Variants in ACOT11 observed in about 807,000 individuals in gnomAD.
The protein encoded by ACOT11 is acyl-coenzyme A thioesterase 11.
Under a neutral mutation model 77.5 loss-of-function variants are expected in ACOT11, and 69 were observed. The observed-to-expected ratio is 0.89, with a 90% CI of 0.73 to 1.09. The LOEUF is 1.09. Ranked by LOEUF, ACOT11 falls within the 50% of genes least tolerant of loss-of-function variation. The pLI, the probability that ACOT11 is intolerant of heterozygous loss-of-function variation, is 0.00. For missense variants in ACOT11, 766 were observed against 813.7 expected, an observed-to-expected ratio of 0.94 and a Z score of 0.71; for synonymous variants, 279 against 313.0, an observed-to-expected ratio of 0.89 and a Z score of 1.15.
chr1:54,604,464 A>T (rs1227243351), intron 12 of ACOT11, 35 bp downstream of exon 12: 1 of 1,600,026 alleles, frequency 6.2e-7, no homozygotes, highest in Admixed American at 1.7e-5. Flanking sequence ...TTCCTTTCTC[A>T]TCTGAGCCAG....
chr1:54,597,651 C>T (rs1643905164), intron 7 of ACOT11: 1 of 568,774 alleles, frequency 1.8e-6, no homozygotes. Flanking sequence ...TAGATCCTCC[C>T]CTTGATCTGG....
At chr1:54,589,987 C>T (rs1438477594) in intron 3 of ACOT11, among the ~76,000 whole-genome samples, 1 of 151,764 alleles carries the variant, frequency 6.6e-6, no homozygotes, top group African/African-American at 2.4e-5. Context: ...ACTCCGGAGG[C>T]TAAGGCAGGA....
intron 3 of ACOT11, 73 bp downstream of exon 3, chr1:54,585,977 C>T: frequency 6.6e-7 from 1 of 1,507,334 alleles, no homozygotes; most frequent in Non-Finnish European, 9.2e-7. Flanking sequence ...TCCTGACTCC[C>T]TGCCTGGTCA....
At chr1:54,610,551 A>G, downstream of ACOT11, 4 of 1,611,336 alleles carry the variant, frequency 2.5e-6, no homozygotes, top group Non-Finnish European at 3.4e-6. Context: ...TCCGTGTGGC[A>G]TTCACTGTGG....
intron 6 of ACOT11, among the ~76,000 whole-genome samples, chr1:54,596,494 A>G (rs1220688453): frequency 6.6e-6 from 1 of 152,232 alleles, no homozygotes; most frequent in Non-Finnish European, 1.5e-5. Context: ...TGTTGCTGCC[A>G]AGGATAAGGG....
chr1:54,582,942 G>A (rs12137787), intron 1 of ACOT11, among the ~76,000 whole-genome samples: 22,928 of 152,040 alleles, frequency 0.15, 3,161 homozygotes, highest in African/African-American at 0.37. Context: ...GCTATGGGAG[G>A]GGTTTGGGAA....
intron 15 of ACOT11, 25 bp from the exon 16 acceptor site, chr1:54,608,932 C>T (rs1644072452): frequency 3.1e-6 from 5 of 1,612,390 alleles, no homozygotes; most frequent in Non-Finnish European, 4.2e-6. Flanking sequence ...CTTGGTCCCC[C>T]TGAGCTTGGC....
At chr1:54,615,299 T>C (rs920389942), downstream of ACOT11, among the ~76,000 whole-genome samples, 1 of 152,026 alleles carries the variant, frequency 6.6e-6, no homozygotes, top group Non-Finnish European at 1.5e-5. Context: ...GACTTGGTAC[T>C]TTTCAGGGTG....
downstream of ACOT11, chr1:54,610,788 T>C (rs1329374752): frequency 1.0e-6 from 1 of 984,550 alleles, no homozygotes; most frequent in East Asian, 1.1e-4. Flanking sequence ...CAGGTCTGCC[T>C]GGCTCCAGAG....
intron 11 of ACOT11, among the ~76,000 whole-genome samples, 178 bp from the exon 12 acceptor site, chr1:54,604,162 GCCAAGC>G (rs1162197496): frequency 1.3e-5 from 2 of 152,116 alleles, no homozygotes; most frequent in African/African-American, 4.8e-5. Flanking sequence ...AGTGGGTCTA[GCCAAGC>G]CCAAGCCTGG....
chr1:54,609,233 G>T lies in ACOT11; in HGVS notation c.*121G>T. 1.3e-6 allele frequency: 2 copies of T among 1,592,492 alleles called. No individual in the cohort carries two copies. Among genetic ancestry groups the T allele is most frequent in the Non-Finnish European group, 1.7e-6 (2 of 1,167,780 alleles). On this transcript the variant is annotated 3_prime_UTR_variant, in exon 16 of 16. Transcript: ENST00000343744. ...TCCTGCCTCCCCGTGGGAAGCCTCC[G>T]CCCTGAGGTCCGCTGGCCCACCACC...
In ACOT11 at chr1:54,571,211, A is replaced by G. The variant is rs41503150; in HGVS notation, c.34-13444A>G. Among the ~76,000 whole-genome samples, 1,314 of 152,248 alleles carry G rather than the reference A, an allele frequency of 8.6e-3. 19 individuals are homozygous for G. The highest frequency in any genetic ancestry group is 0.03 in the African/African-American group (1,232 of 41,550). ...TAAAATGGCTTCGGGTTATCTAGCCAGACAGTCTGAAGCCCTTGGGCCTTG... is the reference window on the plus strand; with the variant it reads ...TAAAATGGCTTCGGGTTATCTAGCCGGACAGTCTGAAGCCCTTGGGCCTTG... On this transcript the variant is annotated intron_variant, in intron 1 of 15. Transcript: ENST00000343744.
chr1:54,608,670 C>T (rs933569146), intron 15 of ACOT11, among the ~76,000 whole-genome samples: 34 of 152,220 alleles, frequency 2.2e-4, no homozygotes, highest in African/African-American at 7.7e-4. Flanking sequence ...CAGCCCCTGC[C>T]CTCCAGGGCC....
At position 54,594,698 on chromosome 1, in the gene ACOT11, A is replaced by T; in HGVS notation, c.607+7A>T. On this transcript the variant is annotated splice_region_variant and intron_variant, in intron 6 of 15. Transcript: ENST00000343744. Reference sequence around the variant, plus strand: ...AACTGCGCCATTCAGGGCGGTGAGCAGCTGCCAGCTGTGCATGGGGAGGGT... The same window carrying T: ...AACTGCGCCATTCAGGGCGGTGAGCTGCTGCCAGCTGTGCATGGGGAGGGT... 6.2e-7 allele frequency: 1 copy of T among 1,605,756 alleles called. No individual in the cohort carries two copies. The highest frequency in any genetic ancestry group is 8.5e-7 in the Non-Finnish European group (1 of 1,174,230).
intron 15 of ACOT11, chr1:54,623,597 C>A (rs1240407950): frequency 5.4e-6 from 3 of 553,466 alleles, no homozygotes; most frequent in Admixed American, 6.6e-5. Flanking sequence ...ATCCTCTTCC[C>A]CACACCCTCC....
chr1:54,563,074 G>A (rs1314423586), intron 1 of ACOT11, among the ~76,000 whole-genome samples: 2 of 151,454 alleles, frequency 1.3e-5, no homozygotes, highest in East Asian at 3.9e-4. Context: ...CTTGCCCTCG[G>A]GCCCTGCGGG....
intron 3 of ACOT11, among the ~76,000 whole-genome samples, chr1:54,587,550 CTTTTT>C (rs33913350): frequency 1.2e-4 from 9 of 73,542 alleles, no homozygotes; most frequent in Non-Finnish European, 1.9e-4. Flanking sequence ...GTTTGTAATC[CTTTTT>C]TTTTTTTTTT....
downstream of ACOT11, chr1:54,612,576 C>G (rs1644130510): frequency 1.2e-6 from 2 of 1,614,060 alleles, no homozygotes; most frequent in Non-Finnish European, 1.7e-6. Flanking sequence ...CTGGGGCACT[C>G]CTCCCACCAG....
intron 1 of ACOT11, among the ~76,000 whole-genome samples, chr1:54,553,220 AT>A (rs550306385): frequency 1.3e-5 from 2 of 151,048 alleles, no homozygotes; most frequent in African/African-American, 4.8e-5. Flanking sequence ...TCATTAAAAA[AT>A]TTTTTTTTAA....
Sources: gnomAD v4.1 joint callset for allele counts (sites outside exome capture counted in the v4.1 genomes callset) on GRCh38, gnomAD v4.1.1 for gene constraint, MANE v1.5 for transcripts, NCBI Gene and HGNC (gene_info 2026-07-23, HGNC 2026-07-21) for gene names.